Variants in CDH20 observed in about 807,000 individuals in gnomAD.
CDH20 encodes cadherin 20.
In CDH20, 29 loss-of-function variants were observed where a neutral mutation model predicts 74.2. The ratio of observed to expected loss-of-function variants is 0.39; its 90% confidence interval spans 0.29 to 0.53. The LOEUF is 0.53. Among genes scored for constraint, CDH20 ranks in the 20% least tolerant of loss-of-function variants. The probability of loss-of-function intolerance (pLI) is 0.69; values close to 1 mark genes in which losing one functional copy is unlikely to be tolerated. For synonymous variants in CDH20, 469 were observed against 405.4 expected, an observed-to-expected ratio of 1.16 and a Z score of -1.88; for missense variants, 988 against 1,048.3, an observed-to-expected ratio of 0.94 and a Z score of 0.79.
intron 10 of CDH20, among the ~76,000 whole-genome samples, chr18:61,547,061 GCA>G (rs1913273917): frequency 6.6e-6 from 1 of 152,156 alleles, no homozygotes; most frequent in Admixed American, 6.5e-5. Context: ...AGGCATGGTG[GCA>G]CACACCTGTA....
At chr18:61,427,556 T>C (rs2144287858) in intron 1 of CDH20, among the ~76,000 whole-genome samples, 1 of 152,334 alleles carries the variant, frequency 6.6e-6, no homozygotes, top group East Asian at 1.9e-4. Flanking sequence ...TTTGTTCTTT[T>C]CATTTCCTAT....
intron 1 of CDH20, among the ~76,000 whole-genome samples, chr18:61,409,557 A>C (rs191138098): frequency 5.9e-5 from 9 of 152,296 alleles, no homozygotes; most frequent in African/African-American, 2.2e-4. Flanking sequence ...CCAGTTTTTC[A>C]TTAGAAAGTG....
intron 3 of CDH20, 61 bp downstream of exon 3, chr18:61,499,541 C>CAG: frequency 8.1e-7 from 1 of 1,229,022 alleles, no homozygotes; most frequent in Non-Finnish European, 1.2e-6. Context: ...CACACACACA[C>CAG]ACATATGCAC....
chr18:61,414,795 A>G (rs1283824488), intron 1 of CDH20, among the ~76,000 whole-genome samples: 1 of 151,944 alleles, frequency 6.6e-6, no homozygotes, highest in East Asian at 1.9e-4. Context: ...AATTATTAAG[A>G]ATTTTAAATA....
chr18:61,348,414 C>T (rs1910201950), intron 1 of CDH20, among the ~76,000 whole-genome samples: 1 of 152,176 alleles, frequency 6.6e-6, no homozygotes, highest in Admixed American at 6.5e-5. Flanking sequence ...TTTATGGTAT[C>T]CTCACCAGTT....
chr18:61,433,176 A>G (rs1908711686), intron 1 of CDH20, among the ~76,000 whole-genome samples: 1 of 152,182 alleles, frequency 6.6e-6, no homozygotes, highest in African/African-American at 2.4e-5. Flanking sequence ...TCACATTATT[A>G]TATCAAGATT....
At chr18:61,392,787 TAAAAA>T (rs78892459) in intron 1 of CDH20, among the ~76,000 whole-genome samples, 3 of 132,400 alleles carry the variant, frequency 2.3e-5, no homozygotes, top group Admixed American at 7.8e-5. Context: ...ATTACTATGG[TAAAAA>T]AAAAAAAAAA....
rs766055173 is a variant in CDH20 at position 61,550,189 on chromosome 18, C to A, written c.1860C>A (p.Gly620=). 11 of 1,613,966 alleles carry A rather than the reference C, an allele frequency of 6.8e-6. No homozygotes were observed. The highest frequency in any genetic ancestry group is 9.3e-6 in the Non-Finnish European group (11 of 1,180,032). ...AYMLPVSLSR[G]ALIAILACIF... ...TGCTCCCAGTCAGTTTGAGCCGGGGCGCCCTCATTGCCATCCTCGCCTGCA... is the reference window on the plus strand; with the variant it reads ...TGCTCCCAGTCAGTTTGAGCCGGGGAGCCCTCATTGCCATCCTCGCCTGCA... Residue 620 remains glycine (G), a synonymous_variant, in exon 11 of 12, where the codon GGC becomes GGA. Coordinates refer to ENST00000262717, the MANE Select transcript of CDH20 (RefSeq NM_031891.4).
At chr18:61,534,825 G>A (rs1338581131) in intron 7 of CDH20, among the ~76,000 whole-genome samples, 1 of 152,174 alleles carries the variant, frequency 6.6e-6, no homozygotes, top group Non-Finnish European at 1.5e-5. Context: ...CATGGTAACT[G>A]TAGTTCATAA....
chr18:61,554,355 C>A lies in CDH20; in HGVS notation c.2066C>A (p.Ala689Glu), dbSNP rs1389824988. ...GCGGCCATGTGGAACCCCCGGGAGGCGCAGGCGGGGGCCGCCCCCAAGACG... is the reference window on the plus strand; with the variant it reads ...GCGGCCATGTGGAACCCCCGGGAGGAGCAGGCGGGGGCCGCCCCCAAGACG... Reference protein sequence around the residue: ...DIAAMWNPREAQAGAAPKTRQ... With the variant: ...DIAAMWNPREEQAGAAPKTRQ... Residue 689 changes from alanine to glutamate, a missense_variant, in exon 12 of 12, where the codon GCG (alanine) becomes GAG (glutamate). Coordinates refer to ENST00000262717, the MANE Select transcript of CDH20 (RefSeq NM_031891.4). The A allele has an allele frequency of 6.2e-7, 1 of 1,613,252 alleles. No homozygotes were observed. The highest frequency in any genetic ancestry group is 1.1e-5 in the South Asian group (1 of 91,052).
At chr18:61,384,854 C>T (rs1229896131) in intron 1 of CDH20, among the ~76,000 whole-genome samples, 3 of 152,090 alleles carry the variant, frequency 2.0e-5, no homozygotes, top group South Asian at 2.1e-4. Flanking sequence ...TAGTATTAAG[C>T]GTGATATGAT....
chr18:61,492,669 A>G (rs1303914075), intron 2 of CDH20, among the ~76,000 whole-genome samples: 3 of 152,086 alleles, frequency 2.0e-5, no homozygotes, highest in Non-Finnish European at 4.4e-5. Context: ...CCATAATGAA[A>G]TGCCCTTCCC....
intron 4 of CDH20, among the ~76,000 whole-genome samples, chr18:61,500,979 T>C (rs947757795): frequency 2.0e-5 from 3 of 152,198 alleles, no homozygotes; most frequent in African/African-American, 7.2e-5. Flanking sequence ...CTAAAGTTCA[T>C]CTAGTGTAGA....
At chr18:61,483,871 A>T (rs529634153) in intron 1 of CDH20, among the ~76,000 whole-genome samples, 1 of 152,356 alleles carries the variant, frequency 6.6e-6, no homozygotes, top group South Asian at 2.1e-4. Context: ...TCAAGATTGC[A>T]TAGATAGTAA....
intron 1 of CDH20, among the ~76,000 whole-genome samples, chr18:61,426,252 G>A (rs1329234817): frequency 6.6e-6 from 1 of 152,020 alleles, no homozygotes; most frequent in Non-Finnish European, 1.5e-5. Flanking sequence ...GTTGTTGTGA[G>A]GATTAAATGA....
chr18:61,444,519 G>A (rs925375799), intron 1 of CDH20, among the ~76,000 whole-genome samples: 1 of 152,168 alleles, frequency 6.6e-6, no homozygotes, highest in Non-Finnish European at 1.5e-5. Context: ...GTTGGTAAAT[G>A]GAGGTTCTCA....
At chr18:61,527,402 GATAGA>G in intron 6 of CDH20, among the ~76,000 whole-genome samples, 2 of 151,830 alleles carry the variant, frequency 1.3e-5, no homozygotes, top group Non-Finnish European at 2.9e-5. Context: ...TAGATAGATA[GATAGA>G]TAGATAGAAT....
At chr18:61,476,048 G>A (rs1256702235) in intron 1 of CDH20, among the ~76,000 whole-genome samples, 3 of 152,210 alleles carry the variant, frequency 2.0e-5, no homozygotes, top group Middle Eastern at 3.4e-3. Flanking sequence ...TTCCAGGTGT[G>A]GCAGAGTGCA....
Position 61,536,574 on chromosome 18 carries a change from C to T in CDH20, c.1353C>T (p.Pro451=), listed in dbSNP as rs1165927183. 1 of 1,613,850 alleles carries T rather than the reference C, an allele frequency of 6.2e-7. No homozygotes were observed. ...ITTGALMTAR[P]LDREEFSWHN... ...CAGGTGCCCTAATGACAGCAAGACC[C>T]CTAGACCGGGAAGAATTTTCTTGGC... is the stretch of plus-strand genomic sequence containing the variant. The change falls in exon 8 of 12, where the codon CCC becomes CCT. Residue 451 remains proline, a synonymous_variant. Coordinates refer to ENST00000262717, the MANE Select transcript of CDH20 (RefSeq NM_031891.4).
Sources: allele counts gnomAD v4.1 joint callset (sites outside exome capture counted in the v4.1 genomes callset), GRCh38; gene constraint gnomAD v4.1.1; transcripts MANE v1.5; gene names NCBI Gene and HGNC (gene_info 2026-07-23, HGNC 2026-07-21).